The following WNK2 variants were observed in gnomAD, a reference collection of about 807,000 sequenced individuals.
The protein encoded by WNK2 is serine/threonine-protein kinase WNK2.
A neutral mutation model predicts 192.1 loss-of-function variants in WNK2; 67 were observed. That is an observed-to-expected ratio of 0.35 (90% CI 0.29 to 0.43). The LOEUF is 0.43. Ranked by LOEUF, WNK2 falls within the 20% of genes least tolerant of loss-of-function variation. The probability of loss-of-function intolerance (pLI) is 1.00; values close to 1 mark genes in which losing one functional copy is unlikely to be tolerated. For missense variants in WNK2, 2,698 were observed against 3,089.7 expected (o/e 0.87, Z 3.01); for synonymous variants, 1,439 against 1,393.9 (o/e 1.03, Z -0.72).
At chr9:93,273,766 T>C (rs1846338699) in intron 19 of WNK2, among the ~76,000 whole-genome samples, 1 of 152,168 alleles carries the variant, frequency 6.6e-6, no homozygotes, top group Non-Finnish European at 1.5e-5. Flanking sequence ...AAAACAAAAC[T>C]TAACAAATTT....
chr9:93,243,005 A>G (rs1157110088), intron 7 of WNK2, among the ~76,000 whole-genome samples: 3 of 152,136 alleles, frequency 2.0e-5, no homozygotes, highest in Non-Finnish European at 4.4e-5. Flanking sequence ...CTGTGTCAGG[A>G]GGCCAAGTGC....
chr9:93,206,634 G>T (rs1269177857), intron 2 of WNK2, among the ~76,000 whole-genome samples: 2 of 152,184 alleles, frequency 1.3e-5, no homozygotes, highest in Non-Finnish European at 2.9e-5. Context: ...AGCCAGCACC[G>T]GGCAGACGTG....
chr9:93,251,904 T>A (rs1842652405), intron 8 of WNK2, among the ~76,000 whole-genome samples: 1 of 151,638 alleles, frequency 6.6e-6, no homozygotes, highest in East Asian at 1.9e-4. Flanking sequence ...CAGCATTTCT[T>A]ATGTCTTCCT....
At position 93,266,277 on chromosome 9, in the gene WNK2, A is replaced by G. The variant is rs190898671; in HGVS notation, c.3697-1469A>G. Among the ~76,000 whole-genome samples the G allele has an allele frequency of 4.5e-4, 68 of 152,330 alleles. No homozygotes were observed. The East Asian group carries it at 0.013, about 29-fold the overall frequency. On this transcript the variant is annotated intron_variant, in intron 16 of 29. Coordinates refer to ENST00000427277, the MANE Select transcript of WNK2 (RefSeq NM_006648.4). ...GTCCCATCAGTGGTTAGAGGTCGGCAGGCCTTGGGTTCATCATTCTGACCA... is the reference window on the plus strand; with the variant it reads ...GTCCCATCAGTGGTTAGAGGTCGGCGGGCCTTGGGTTCATCATTCTGACCA...
Position 93,184,990 on chromosome 9 carries a change from G to A in WNK2, c.61G>A (p.Ala21Thr). 8.1e-7 allele frequency: 1 copy of A among 1,240,974 alleles called. No homozygotes were observed. The highest frequency in any genetic ancestry group is 1.0e-6 in the Non-Finnish European group (1 of 997,548). 76.9% of individuals were successfully genotyped at this position (1,240,974 alleles called of 1,614,324 possible). A position where few individuals can be genotyped will look rare whatever the true frequency, so the allele number is the denominator to read the frequency against. ...CACGCTGATGGAGCCCGGGCGCGGC[G>A]CGGGGCCCGCGGGCATGGCGGAGCC... ...PGTLMEPGRGAGPAGMAEPRA... is the reference protein window; with the variant it reads ...PGTLMEPGRGTGPAGMAEPRA... The change falls in exon 2 of 30, where the codon GCG becomes ACG. Residue 21 changes from alanine (A) to threonine (T), a missense_variant. By Grantham distance (58) the Ala-to-Thr change is moderately conservative (BLOSUM62 0). Around this residue, in one of 7 missense-constraint regions of WNK2, gnomAD observed 260 missense variants for 285.6 expected, o/e 0.91. Coordinates refer to ENST00000427277, the MANE Select transcript of WNK2 (RefSeq NM_006648.4).
intron 27 of WNK2, chr9:93,307,602 C>T (rs1852818424): frequency 6.6e-6 from 1 of 152,328 alleles, no homozygotes; most frequent in Admixed American, 6.5e-5. Context: ...GAGCGGCTCC[C>T]AGCTCCCTCC....
intron 29 of WNK2, among the ~76,000 whole-genome samples, chr9:93,319,898 C>T (rs1157923920): frequency 2.0e-5 from 3 of 152,206 alleles, no homozygotes; most frequent in Admixed American, 1.3e-4. Flanking sequence ...GTCCCTCCTG[C>T]GTGTGCATTG....
intron 2 of WNK2, among the ~76,000 whole-genome samples, chr9:93,188,469 G>A (rs969306420): frequency 2.6e-5 from 4 of 152,246 alleles, no homozygotes; most frequent in African/African-American, 7.2e-5. Flanking sequence ...TTCTCCAGAT[G>A]TGCAAAGCTG....
rs1842028177 is a variant in WNK2, at chr9:93,247,990, A to G, written c.1834+156A>G. The stretch of plus-strand genomic sequence containing the variant: ...CATCCCCTCGGAGGAGACATCGTGT[A>G]GCTCTGAGCTGTCCTCACGTAGCGT... On this transcript the variant is annotated intron_variant, in intron 8 of 29. Transcript: ENST00000427277. This position sits in a 1 kb window ranked among gnomAD's most constrained non-coding sequence, Gnocchi z 5.2. 6.6e-6 allele frequency among the ~76,000 whole-genome samples: 1 copy of G among 152,274 alleles called. No individual in the cohort carries two copies. The highest frequency in any genetic ancestry group is 2.4e-5 in the African/African-American group (1 of 41,480).
chr9:93,186,213 T>C (rs1432065932), intron 2 of WNK2, among the ~76,000 whole-genome samples: 1 of 152,112 alleles, frequency 6.6e-6, no homozygotes, highest in Non-Finnish European at 1.5e-5. Context: ...CCTGGAAGTG[T>C]GGTTAGTCGC....
chr9:93,265,474 G>A (rs1490647474), intron 16 of WNK2, among the ~76,000 whole-genome samples: 1 of 152,196 alleles, frequency 6.6e-6, no homozygotes, highest in East Asian at 1.9e-4. Context: ...CTAGTTGGAG[G>A]GTCAGAGGCG....
chr9:93,253,161 G>T, intron 9 of WNK2, 79 bp downstream of exon 9: 1 of 1,239,894 alleles, frequency 8.1e-7, no homozygotes, highest in Admixed American at 3.9e-5. Flanking sequence ...TAAATTCTGT[G>T]ATGGGCTGTC....
chr9:93,308,893 G>A, intron 28 of WNK2: 2 of 1,254,048 alleles, frequency 1.6e-6, no homozygotes, highest in Non-Finnish European at 2.0e-6. Context: ...CGCACTCAGA[G>A]CAGGTAGCCC....
At position 93,235,948 on chromosome 9, in the gene WNK2, G is replaced by A. The variant is rs941177085; in HGVS notation, c.1233+983G>A. On this transcript the variant is annotated intron_variant, in intron 5 of 29. Coordinates refer to ENST00000427277, the MANE Select transcript of WNK2 (RefSeq NM_006648.4). Reference sequence around the variant, plus strand: ...TGTCCCTTGGTTGTTGTAAATCATCGGTCACTTGGTTGTTCTGAGCCCCTC... The same window carrying A: ...TGTCCCTTGGTTGTTGTAAATCATCAGTCACTTGGTTGTTCTGAGCCCCTC... Among the ~76,000 whole-genome samples, 4 of 152,272 alleles carry A rather than the reference G, an allele frequency of 2.6e-5. No homozygotes were observed. In the East Asian group the frequency reaches 5.8e-4, roughly 22 times the overall value.
Position 93,238,156 on chromosome 9 carries a change from G to A in WNK2, c.1234-77G>A, listed in dbSNP as rs190479493. On this transcript the variant is annotated intron_variant, in intron 5 of 29. Transcript: ENST00000427277. ...CGTGTCCTGCCGTGGCTGGGAGTGGGAGTTCCTCCCACTGTGGTGGAGGCC... is the reference window on the plus strand; with the variant it reads ...CGTGTCCTGCCGTGGCTGGGAGTGGAAGTTCCTCCCACTGTGGTGGAGGCC... 1.9e-4 allele frequency: 256 copies of A among 1,342,662 alleles called. 2 individuals carry two copies. In the East Asian group the frequency reaches 5.0e-3, roughly 26 times the overall value. 83.2% of individuals were successfully genotyped at this position (1,342,662 alleles called of 1,614,324 possible). A position where few individuals can be genotyped will look rare whatever the true frequency, so the allele number is the denominator to read the frequency against.
intron 19 of WNK2, among the ~76,000 whole-genome samples, chr9:93,269,691 A>C (rs1845748072): frequency 6.6e-6 from 1 of 152,200 alleles, no homozygotes; most frequent in South Asian, 2.1e-4. Context: ...CCTAAGAGCT[A>C]ATTTTTCCTG....
At position 93,201,428 on chromosome 9, in the gene WNK2, G is replaced by C. The variant is rs137969669; in HGVS notation, c.681+15818G>C. Among the ~76,000 whole-genome samples, 331 of 152,362 alleles carry C rather than the reference G, an allele frequency of 2.2e-3. 1 individual carries two copies. The highest frequency in any genetic ancestry group is 6.2e-3 in the African/African-American group (256 of 41,588). On this transcript the variant is annotated intron_variant, in intron 2 of 29. Transcript: ENST00000427277. The stretch of plus-strand genomic sequence containing the variant: ...GGGGTGCTCACGCTGCATGCTCTTG[G>C]CAGCCCGGGAGGTGGAACGTGGAGA...
chr9:93,264,909 T>C (rs1844907358), intron 16 of WNK2, among the ~76,000 whole-genome samples: 2 of 152,252 alleles, frequency 1.3e-5, no homozygotes, highest in Admixed American at 1.3e-4. Flanking sequence ...CTGCGGCTGC[T>C]GCATTGCACA....
At position 93,257,030 on chromosome 9, in the gene WNK2, A is replaced by C. The variant is rs745449856; in HGVS notation, c.2273A>C (p.His758Pro). The change falls in exon 11 of 30, where the codon CAC (histidine) becomes CCC (proline). Residue 758 changes from histidine to proline, a missense_variant. Transcript: ENST00000427277. The surrounding 1 kb of genome is among the most constrained non-coding windows in gnomAD (Gnocchi z 4.7). The stretch of plus-strand genomic sequence containing the variant: ...GTCCCCCTCCAGCCGGTTCCCCCCC[A>C]CCTGCCACCGTACCTGGCTCCAGCC... ...PVVPLQPVPP[H>P]LPPYLAPASQ... is the part of the protein sequence containing the mutation. 5.0e-6 allele frequency: 8 copies of C among 1,602,024 alleles called. No homozygotes were observed. The highest frequency in any genetic ancestry group is 5.9e-6 in the Non-Finnish European group (7 of 1,177,146).
Sources: allele counts gnomAD v4.1 joint callset (sites outside exome capture counted in the v4.1 genomes callset), GRCh38; gene constraint gnomAD v4.1.1; regional missense constraint gnomAD v4.1.1; non-coding constraint Gnocchi (gnomAD v3.1); transcripts MANE v1.5; gene names NCBI Gene and HGNC (gene_info 2026-07-23, HGNC 2026-07-21).